IFT140: variants seen among roughly 807,000 people sequenced by gnomAD.
IFT140 encodes the protein intraflagellar transport protein 140 homolog.
In IFT140, 133 loss-of-function variants were observed where a neutral mutation model predicts 164.6. The observed-to-expected ratio is 0.81, with a 90% confidence interval of 0.70 to 0.93. IFT140 has a LOEUF of 0.93. Among genes scored for constraint, IFT140 ranks in the 40% least tolerant of loss-of-function variants. IFT140 has a pLI of 0.00. For missense variants in IFT140, 2,045 were observed against 1,972.3 expected (o/e 1.04, Z -0.70); for synonymous variants, 860 against 817.3 (o/e 1.05, Z -0.89).
intron 19 of IFT140, chr16:1,555,059 C>T: frequency 6.3e-7 from 1 of 1,582,558 alleles, no homozygotes; most frequent in African/African-American, 1.3e-5. Flanking sequence ...CAACGCACAC[C>T]TGCTATCGTG....
intron 6 of IFT140, 84 bp downstream of exon 6, chr16:1,592,092 G>T: frequency 2.0e-6 from 3 of 1,465,888 alleles, no homozygotes; most frequent in South Asian, 1.2e-5. Context: ...GTTCTATGCA[G>T]AAACGCCATC....
intron 19 of IFT140, among the ~76,000 whole-genome samples, chr16:1,529,364 G>T (rs569047252): frequency 1.3e-5 from 2 of 152,348 alleles, no homozygotes; most frequent in Admixed American, 6.5e-5. Flanking sequence ...CACTGCCATT[G>T]CATGCGTGTC....
At chr16:1,592,076 G>A (rs1270341265) in intron 6 of IFT140, 100 bp downstream of exon 6, 16 of 1,295,990 alleles carry the variant, frequency 1.2e-5, no homozygotes, top group East Asian at 4.6e-5. Context: ...TGCTATCACC[G>A]TTACTGTTCT....
At chr16:1,530,697 C>T (rs971013065) in intron 19 of IFT140, 3 of 151,388 alleles carry the variant, frequency 2.0e-5, no homozygotes, top group Admixed American at 6.6e-5. Context: ...GGAGGCCACC[C>T]GTGGGGAGCG....
At position 1,580,782 on chromosome 16, in the gene IFT140, G is replaced by A. The variant is rs1424099914; in HGVS notation, c.1501C>T (p.Arg501Ter). ...EENVYTVESNRVQVRTWQGTV... is the reference protein window; with the variant it reads ...EENVYTVESN Reference sequence around the variant, plus strand: ...ACCTGCCAGGTTCGAACTTGAACTCGGTTTGACTCCACCGTGTAAACGTTT... The same window carrying A: ...ACCTGCCAGGTTCGAACTTGAACTCAGTTTGACTCCACCGTGTAAACGTTT... Residue 501 changes from arginine to a stop codon, truncating the protein, a stop_gained, in exon 13 of 31, where the codon CGA becomes TGA. Transcript: ENST00000426508. LOFTEE classifies it high-confidence loss of function. 7 of 1,613,644 alleles carry A rather than the reference G, an allele frequency of 4.3e-6. No individual in the cohort carries two copies. The East Asian group carries it at 6.7e-5, about 15-fold the overall frequency.
Position 1,520,795 on chromosome 16 carries a change from A to G in IFT140, c.3467T>C (p.Leu1156Pro). Residue 1156 changes from leucine to proline, a missense_variant, in exon 27 of 31, where the codon CTG becomes CCG. Coordinates refer to ENST00000426508, the MANE Select transcript of IFT140 (RefSeq NM_014714.4). ...CATGTTCTGCCCCAGGCACAGCTGC[A>G]GGGCTTCCTGATACTGCAAAGGTGC... Reference protein sequence around the residue: ...LLAARKYQEALQLCLGQNMSI... With the variant: ...LLAARKYQEAPQLCLGQNMSI... The G allele has an allele frequency of 6.2e-7, 1 of 1,603,818 alleles. No homozygotes were observed. The highest frequency in any genetic ancestry group is 8.5e-7 in the Non-Finnish European group (1 of 1,179,882).
intron 13 of IFT140, 80 bp downstream of exon 13, chr16:1,580,679 C>T (rs2034509754): frequency 1.1e-6 from 1 of 944,542 alleles, no homozygotes; most frequent in Non-Finnish European, 1.7e-6. Context: ...TAGGTGAAAT[C>T]AATAAACAGG....
chr16:1,523,018 C>T (rs2040567687), intron 26 of IFT140, among the ~76,000 whole-genome samples: 1 of 151,618 alleles, frequency 6.6e-6, no homozygotes, highest in Non-Finnish European at 1.5e-5. Flanking sequence ...CCCAGGAGTT[C>T]AAGACCAGCC....
At chr16:1,560,554 G>A (rs1218548458) in intron 18 of IFT140, among the ~76,000 whole-genome samples, 1 of 152,192 alleles carries the variant, frequency 6.6e-6, no homozygotes, top group Non-Finnish European at 1.5e-5. Context: ...GCTCAGGGGT[G>A]TGTGTGGAGC....
intron 14 of IFT140, among the ~76,000 whole-genome samples, chr16:1,568,705 G>A (rs567745852): frequency 1.2e-4 from 19 of 152,164 alleles, no homozygotes; most frequent in Non-Finnish European, 1.6e-4. Context: ...AGTGAACCGA[G>A]ATCATGCCAC....
At chr16:1,546,584 A>G (rs1167518882) in intron 19 of IFT140, among the ~76,000 whole-genome samples, 2 of 152,140 alleles carry the variant, frequency 1.3e-5, no homozygotes, top group Non-Finnish European at 2.9e-5. Context: ...TTCAGGCCCG[A>G]GGCGCATCCC....
At chr16:1,530,718 C>T (rs148442983) in intron 19 of IFT140, 3 of 151,488 alleles carry the variant, frequency 2.0e-5, no homozygotes, top group South Asian at 2.1e-4. Flanking sequence ...GGAGAGAGCC[C>T]GCCCGTGGGG....
intron 4 of IFT140, among the ~76,000 whole-genome samples, chr16:1,598,791 T>C (rs1380063550): frequency 6.6e-6 from 1 of 152,200 alleles, no homozygotes; most frequent in Non-Finnish European, 1.5e-5. Flanking sequence ...CCGCCTGCCT[T>C]GGCCTCCCAA....
chr16:1,604,134 A>C (rs991200869), intron 3 of IFT140, among the ~76,000 whole-genome samples: 1 of 152,246 alleles, frequency 6.6e-6, no homozygotes, highest in Non-Finnish European at 1.5e-5. Flanking sequence ...ATCTACCCAA[A>C]AAAATGGGCA....
In IFT140 at chr16:1,524,998, C is replaced by G. The variant is rs2040641703; in HGVS notation, c.2865-82G>C. On this transcript the variant is annotated intron_variant, in intron 22 of 30. Transcript: ENST00000426508. ...GGCCCCCACCCCGCCCCTGTGCCACCCTTAGAGTGCATGTCACCTGACCTG... is the reference window on the plus strand; with the variant it reads ...GGCCCCCACCCCGCCCCTGTGCCACGCTTAGAGTGCATGTCACCTGACCTG... 25 of 1,531,342 alleles carry G rather than the reference C, an allele frequency of 1.6e-5. No individual in the cohort carries two copies. In the South Asian group the frequency reaches 2.8e-4, roughly 17 times the overall value. 94.9% of individuals were successfully genotyped at this position (1,531,342 alleles called of 1,614,324 possible).
intron 30 of IFT140, among the ~76,000 whole-genome samples, chr16:1,516,816 A>T (rs188074352): frequency 2.4e-4 from 37 of 151,876 alleles, no homozygotes; most frequent in Non-Finnish European, 5.0e-4. Flanking sequence ...GCAGGAAAAA[A>T]GGTTTAAAGT....
intron 19 of IFT140, among the ~76,000 whole-genome samples, chr16:1,537,921 T>C (rs1011621399): frequency 3.9e-5 from 6 of 152,038 alleles, no homozygotes; most frequent in African/African-American, 1.2e-4. Context: ...TGAATACAGG[T>C]GGAGGACAGA....
At chr16:1,578,858 T>C (rs1169492946) in intron 13 of IFT140, among the ~76,000 whole-genome samples, 1 of 152,138 alleles carries the variant, frequency 6.6e-6, no homozygotes. Flanking sequence ...ACTATAGGCG[T>C]GCGCCACCAC....
intron 19 of IFT140, among the ~76,000 whole-genome samples, chr16:1,556,399 C>T (rs192430509): frequency 1.7e-3 from 257 of 152,396 alleles, no homozygotes; most frequent in Non-Finnish European, 2.6e-3. Context: ...CCTCCTCTGC[C>T]TGGGTGCGGC....
Sources: allele counts gnomAD v4.1 joint callset (sites outside exome capture counted in the v4.1 genomes callset), GRCh38; gene constraint gnomAD v4.1.1; transcripts MANE v1.5; gene names NCBI Gene and HGNC (gene_info 2026-07-23, HGNC 2026-07-21).